The following KIT variants were observed in gnomAD, a reference collection of about 807,000 sequenced individuals.
KIT encodes the protein KIT proto-oncogene, receptor tyrosine kinase.
A neutral mutation model predicts 105.7 loss-of-function variants in KIT; 16 were observed. That is an observed-to-expected ratio of 0.15 (90% confidence interval 0.10 to 0.23). The LOEUF (loss-of-function observed/expected upper bound fraction) is 0.23, where lower values mean the gene tolerates loss of function less well. Among genes scored for constraint, KIT ranks in the 10% least tolerant of loss-of-function variants. The pLI, the probability that KIT is intolerant of heterozygous loss-of-function variation, is 1.00. For missense variants in KIT, 858 were observed against 1,213.8 expected (o/e 0.71, Z 4.36); for synonymous variants, 438 against 441.1 (o/e 0.99, Z 0.09).
rs745398131 is a variant in KIT, at chr4:54,727,340, T to C, written c.1647+16T>C. 8 of 1,613,412 alleles carry C rather than the reference T, an allele frequency of 5.0e-6. No individual in the cohort carries two copies. In the South Asian group the frequency reaches 8.8e-5, roughly 18 times the overall value. ...ATATTTACAGGTAACCATTTATTTG[T>C]TCTCTCTCCAGAGTGCTCTAATGAC... On this transcript the variant is annotated intron_variant, in intron 10 of 20. Transcript: ENST00000288135.
chr4:54,685,612 A>T (rs73818384), intron 1 of KIT, among the ~76,000 whole-genome samples: 6,193 of 152,162 alleles, frequency 0.041, 413 homozygotes, highest in African/African-American at 0.14. Context: ...GTCCTCCTAA[A>T]ACATACATCT....
rs772435233 is a variant in KIT, at chr4:54,657,985, C to G, written c.-30C>G. 1.9e-5 allele frequency: 31 copies of G among 1,610,260 alleles called. No individual in the cohort carries two copies. Among genetic ancestry groups the G allele is most frequent in the Non-Finnish European group, 2.6e-5 (31 of 1,177,140 alleles). On this transcript the variant is annotated 5_prime_UTR_variant, in exon 1 of 21. Coordinates refer to ENST00000288135, the MANE Select transcript of KIT (RefSeq NM_000222.3). ...CTTGGGCGAGAGCTGGAACGTGGAC[C>G]AGAGCTCGGATCCCATCGCAGCTAC...
intron 16 of KIT, among the ~76,000 whole-genome samples, 170 bp from the exon 17 acceptor site, chr4:54,732,900 A>G (rs1489100020): frequency 2.6e-5 from 4 of 152,214 alleles, no homozygotes; most frequent in African/African-American, 9.6e-5. Flanking sequence ...TTATGTGAAC[A>G]TCATTCAAGG....
intron 5 of KIT, among the ~76,000 whole-genome samples, chr4:54,704,610 G>A (rs1720665439): frequency 6.6e-6 from 1 of 152,180 alleles, no homozygotes; most frequent in Non-Finnish European, 1.5e-5. Flanking sequence ...AAAGAGAGCA[G>A]AGCATAGTGA....
chr4:54,677,615 G>A (rs1187126081), intron 1 of KIT, among the ~76,000 whole-genome samples: 1 of 152,158 alleles, frequency 6.6e-6, no homozygotes, highest in East Asian at 1.9e-4. Flanking sequence ...CAGGCTGGGG[G>A]TTGTGGGTTG....
Position 54,694,774 on chromosome 4 carries a change from A to G in KIT, c.68-738A>G, listed in dbSNP as rs375896470. Among the ~76,000 whole-genome samples, 484 of 152,320 alleles carry G rather than the reference A, an allele frequency of 3.2e-3. 1 individual carries two copies. The highest frequency in any genetic ancestry group is 0.011 in the African/African-American group (445 of 41,568). ...AGCATCTAGCATGGTGCTTTTGTAGATGATAATTAATGAATAGGTATTTGA... is the reference window on the plus strand; with the variant it reads ...AGCATCTAGCATGGTGCTTTTGTAGGTGATAATTAATGAATAGGTATTTGA... On this transcript the variant is annotated intron_variant, in intron 1 of 20. Transcript: ENST00000288135.
intron 4 of KIT, among the ~76,000 whole-genome samples, chr4:54,701,078 T>A (rs545714592): frequency 2.0e-4 from 30 of 152,358 alleles, no homozygotes; most frequent in African/African-American, 7.2e-4. Context: ...ATTATCCTTT[T>A]TTGAGATGAG....
At chr4:54,724,756 T>TAA (rs561488432) in intron 8 of KIT, among the ~76,000 whole-genome samples, 10 of 141,998 alleles carry the variant, frequency 7.0e-5, no homozygotes, top group South Asian at 2.2e-4. Flanking sequence ...GCTGATGAGC[T>TAA]AAAAAAAAAA....
intron 13 of KIT, among the ~76,000 whole-genome samples, chr4:54,728,675 C>T (rs1039714837): frequency 1.3e-5 from 2 of 152,158 alleles, no homozygotes; most frequent in African/African-American, 2.4e-5. Context: ...TGGAGATCCA[C>T]GATAAAGTTG....
At chr4:54,731,625 T>A (rs1205429966) in intron 15 of KIT, among the ~76,000 whole-genome samples, 2 of 152,170 alleles carry the variant, frequency 1.3e-5, no homozygotes, top group African/African-American at 4.8e-5. Flanking sequence ...TATCTTTCTA[T>A]AGATATGGGA....
intron 15 of KIT, 37 bp downstream of exon 15, chr4:54,731,456 T>C: frequency 7.6e-7 from 1 of 1,308,424 alleles, no homozygotes; most frequent in Non-Finnish European, 1.1e-6. Context: ...AGAGTAACTT[T>C]ACAGAGAGTA....
At chr4:54,684,971 T>C (rs1719211409) in intron 1 of KIT, among the ~76,000 whole-genome samples, 1 of 152,212 alleles carries the variant, frequency 6.6e-6, no homozygotes, top group Non-Finnish European at 1.5e-5. Context: ...TACTACCTTG[T>C]CCTGAGGTTC....
chr4:54,709,056 A>G (rs1046684278), intron 6 of KIT, among the ~76,000 whole-genome samples: 3 of 151,242 alleles, frequency 2.0e-5, no homozygotes, highest in Non-Finnish European at 2.9e-5. Context: ...AGTTCAGGAC[A>G]CTGTGGAGAG....
chr4:54,718,139 C>T (rs1721618764), intron 7 of KIT, among the ~76,000 whole-genome samples: 1 of 152,314 alleles, frequency 6.6e-6, no homozygotes, highest in East Asian at 1.9e-4. Context: ...CTTGTTCCGT[C>T]GCCTAAGCTG....
At chr4:54,710,154 C>G (rs549588699) in intron 7 of KIT, among the ~76,000 whole-genome samples, 1 of 152,338 alleles carries the variant, frequency 6.6e-6, no homozygotes, top group African/African-American at 2.4e-5. Context: ...TGCAGCCCAC[C>G]ATGTCTTAGA....
Position 54,658,002 on chromosome 4 carries a change from C to G in KIT, c.-13C>G. 1 of 1,613,040 alleles carries G rather than the reference C, an allele frequency of 6.2e-7. No homozygotes were observed. The highest frequency in any genetic ancestry group is 8.5e-7 in the Non-Finnish European group (1 of 1,179,234). ...ACGTGGACCAGAGCTCGGATCCCATCGCAGCTACCGCGATGAGAGGCGCTC... is the reference window on the plus strand; with the variant it reads ...ACGTGGACCAGAGCTCGGATCCCATGGCAGCTACCGCGATGAGAGGCGCTC... On this transcript the variant is annotated 5_prime_UTR_variant, in exon 1 of 21. It adds an upstream start codon to the 5' untranslated region. Transcript: ENST00000288135.
intron 1 of KIT, among the ~76,000 whole-genome samples, chr4:54,681,804 C>G (rs923777457): frequency 6.6e-6 from 1 of 151,930 alleles, no homozygotes; most frequent in African/African-American, 2.4e-5. Flanking sequence ...CTTTGAGAGG[C>G]CAAGTCGGGT....
Position 54,709,411 on chromosome 4 carries a change from C to T in KIT, c.1116-13C>T, listed in dbSNP as rs1290569046. ...TATCCACAGGTGATTGACTAGTTGT[C>T]TTTTCTTTGTAGATACGTAAGTGAA... On this transcript the variant is annotated splice_polypyrimidine_tract_variant and intron_variant, in intron 6 of 20. Transcript: ENST00000288135. 1 of 1,543,278 alleles carries T rather than the reference C, an allele frequency of 6.5e-7. No individual in the cohort carries two copies. Among genetic ancestry groups the T allele is most frequent in the Non-Finnish European group, 9.0e-7 (1 of 1,115,438 alleles).
intron 7 of KIT, among the ~76,000 whole-genome samples, chr4:54,711,488 C>T (rs1027431360): frequency 1.1e-4 from 16 of 152,302 alleles, no homozygotes; most frequent in Admixed American, 7.8e-4. Context: ...ATCCCAAACT[C>T]GTTTGATCAC....
Sources: allele counts gnomAD v4.1 joint callset (sites outside exome capture counted in the v4.1 genomes callset), GRCh38; gene constraint gnomAD v4.1.1; transcripts MANE v1.5; gene names NCBI Gene and HGNC (gene_info 2026-07-23, HGNC 2026-07-21).